The following GMDS variants were observed in gnomAD, a reference collection of about 807,000 sequenced individuals.
GMDS encodes GDP-mannose 4,6-dehydratase.
Under a neutral mutation model 49.9 loss-of-function variants are expected in GMDS, and 20 were observed. The observed-to-expected ratio is 0.40, with a 90% CI of 0.28 to 0.58. GMDS has a LOEUF of 0.58. Among genes scored for constraint, GMDS ranks in the 20% least tolerant of loss-of-function variants. GMDS has a pLI of 0.42. For missense variants in GMDS, 362 were observed against 481.4 expected (o/e 0.75, Z 2.32); for synonymous variants, 177 against 178.6 (o/e 0.99, Z 0.07).
At chr6:1,914,147 T>G (rs1279226130) in intron 7 of GMDS, among the ~76,000 whole-genome samples, 4 of 147,850 alleles carry the variant, frequency 2.7e-5, no homozygotes, top group African/African-American at 5.0e-5. Context: ...TTTTTTTTTT[T>G]TTTTTTTTTT....
At chr6:2,012,625 CT>C (rs1767627865) in intron 4 of GMDS, among the ~76,000 whole-genome samples, 1 of 152,062 alleles carries the variant, frequency 6.6e-6, no homozygotes, top group East Asian at 1.9e-4. Flanking sequence ...TAAAATTATT[CT>C]TTTTTATTTT....
chr6:1,874,076 G>A (rs991448726), intron 7 of GMDS, among the ~76,000 whole-genome samples: 4 of 152,198 alleles, frequency 2.6e-5, no homozygotes, highest in African/African-American at 7.2e-5. Flanking sequence ...CTCCAGAGAC[G>A]ACCTGCTTGG....
chr6:2,069,106 A>G (rs1181281343), intron 4 of GMDS, among the ~76,000 whole-genome samples: 5 of 152,224 alleles, frequency 3.3e-5, no homozygotes, highest in Admixed American at 3.3e-4. Flanking sequence ...CCTCAGGAAT[A>G]ACGTCGCGTA....
chr6:1,699,359 G>A (rs1184109327), intron 9 of GMDS, among the ~76,000 whole-genome samples: 4 of 152,170 alleles, frequency 2.6e-5, no homozygotes, highest in African/African-American at 9.7e-5. Context: ...AGGCAGCCAG[G>A]AGGGGTCTCC....
intron 1 of GMDS, among the ~76,000 whole-genome samples, chr6:2,137,496 G>T (rs1776070346): frequency 6.6e-6 from 1 of 152,020 alleles, no homozygotes. Flanking sequence ...ACCATACCCG[G>T]CTAATTTTGT....
intron 1 of GMDS, among the ~76,000 whole-genome samples, chr6:2,154,987 G>A (rs1364521112): frequency 2.6e-5 from 4 of 151,496 alleles, no homozygotes; most frequent in Non-Finnish European, 5.9e-5. Context: ...ATATGGTTAA[G>A]GCTAATATTC....
chr6:1,960,127 C>T (rs1329560525), intron 5 of GMDS, among the ~76,000 whole-genome samples, 156 bp from the exon 6 acceptor site: 1 of 152,158 alleles, frequency 6.6e-6, no homozygotes, highest in Non-Finnish European at 1.5e-5. Context: ...GGTTATTACA[C>T]CTGTCAATCA....
chr6:2,098,565 C>A (rs898780042), intron 4 of GMDS, among the ~76,000 whole-genome samples: 1 of 152,110 alleles, frequency 6.6e-6, no homozygotes, highest in East Asian at 1.9e-4. Context: ...AATTTTTATA[C>A]GCTTAGTTGA....
chr6:1,860,471 G>A (rs1269764627), intron 7 of GMDS, among the ~76,000 whole-genome samples: 3 of 152,172 alleles, frequency 2.0e-5, no homozygotes, highest in South Asian at 2.1e-4. Context: ...GGGAGAGAGA[G>A]GAGGAAGCCG....
chr6:2,154,862 G>GAAAAAAAAAAAAAAAAAAAAA (rs1562103386), intron 1 of GMDS, among the ~76,000 whole-genome samples: 1 of 33,830 alleles, frequency 3.0e-5, no homozygotes, highest in African/African-American at 7.6e-5. Flanking sequence ...TTGAAGAGAT[G>GAAAAAAAAAAAAAAAAAAAAA]CAAAAAAAAA....
chr6:1,624,344 T>A, intron 10 of GMDS, 113 bp from the exon 11 acceptor site: 1 of 1,285,328 alleles, frequency 7.8e-7, no homozygotes, highest in Non-Finnish European at 1.1e-6. Flanking sequence ...CCAGCTCCCC[T>A]CACTTCTCCC....
chr6:1,923,234 C>T (rs79716345), intron 7 of GMDS, among the ~76,000 whole-genome samples: 3,865 of 152,284 alleles, frequency 0.025, 158 homozygotes, highest in East Asian at 0.18. Context: ...CAAGTGTCCA[C>T]ACTACCTCAT....
At chr6:2,027,130 TGGCTG>T (rs1768651609) in intron 4 of GMDS, among the ~76,000 whole-genome samples, 1 of 152,174 alleles carries the variant, frequency 6.6e-6, no homozygotes, top group Non-Finnish European at 1.5e-5. Flanking sequence ...AAGAGGACCC[TGGCTG>T]GTACTCTGGA....
At chr6:1,628,241 A>G (rs1762901594) in intron 9 of GMDS, among the ~76,000 whole-genome samples, 1 of 152,220 alleles carries the variant, frequency 6.6e-6, no homozygotes, top group Non-Finnish European at 1.5e-5. Context: ...ACAGTAGTTA[A>G]CGCAAACTCC....
chr6:2,001,735 T>C (rs1325008471), intron 4 of GMDS, among the ~76,000 whole-genome samples: 1 of 152,112 alleles, frequency 6.6e-6, no homozygotes, highest in Non-Finnish European at 1.5e-5. Context: ...AAAAAACCCA[T>C]GTGTCTAGGA....
chr6:1,856,099 G>C (rs1163926531), intron 7 of GMDS, among the ~76,000 whole-genome samples: 2 of 152,194 alleles, frequency 1.3e-5, no homozygotes, highest in Non-Finnish European at 2.9e-5. Context: ...TAACCTCCCT[G>C]TAAGTACATA....
chr6:2,199,713 G>T (rs1779421448), intron 1 of GMDS, among the ~76,000 whole-genome samples: 1 of 152,080 alleles, frequency 6.6e-6, no homozygotes, highest in African/African-American at 2.4e-5. Flanking sequence ...GATTTTCATG[G>T]CTTTTTATCA....
chr6:2,175,103 T>C (rs1778209930), intron 1 of GMDS, among the ~76,000 whole-genome samples: 1 of 152,116 alleles, frequency 6.6e-6, no homozygotes, highest in African/African-American at 2.4e-5. Context: ...AGTAATAATT[T>C]TAAAGATCTC....
chr6:2,131,670 A>G (rs745821092), intron 1 of GMDS, among the ~76,000 whole-genome samples: 4 of 152,176 alleles, frequency 2.6e-5, no homozygotes, highest in Non-Finnish European at 5.9e-5. Context: ...TGTAAATCCA[A>G]AGGCATCTAT....
Sources: allele counts gnomAD v4.1 joint callset (sites outside exome capture counted in the v4.1 genomes callset), GRCh38; gene constraint gnomAD v4.1.1; transcripts MANE v1.5; gene names NCBI Gene and HGNC (gene_info 2026-07-23, HGNC 2026-07-21).